The following CEP350 variants were observed in gnomAD, a reference collection of about 807,000 sequenced individuals.
The protein encoded by CEP350 is centrosomal protein 350.
In CEP350, 126 loss-of-function variants were observed where a neutral mutation model predicts 331.8. The observed-to-expected ratio is 0.38, with a 90% CI of 0.33 to 0.44. The LOEUF (loss-of-function observed/expected upper bound fraction) is 0.44. CEP350 is among the 20% of genes least tolerant of loss of function. The pLI is 1.00. For synonymous variants in CEP350, 1,200 were observed against 1,259.5 expected (o/e 0.95, Z 1.00); for missense variants, 3,406 against 3,634.6 (o/e 0.94, Z 1.62).
At chr1:180,066,360 A>G (rs1409523735) in intron 27 of CEP350, among the ~76,000 whole-genome samples, 2 of 152,198 alleles carry the variant, frequency 1.3e-5, no homozygotes, top group African/African-American at 4.8e-5. Context: ...TTAAATTCGC[A>G]ATTTGAACTA....
chr1:180,108,623 C>T (rs544650992), intron 37 of CEP350, among the ~76,000 whole-genome samples: 30 of 152,220 alleles, frequency 2.0e-4, no homozygotes, highest in Non-Finnish European at 3.1e-4. Flanking sequence ...GACCATCCCT[C>T]AGCACAAGTT....
chr1:180,062,277 A>T lies in CEP350; in HGVS notation c.5320A>T (p.Ile1774Phe). 1 of 1,611,032 alleles carries T rather than the reference A, an allele frequency of 6.2e-7. No individual in the cohort carries two copies. The change falls in exon 26 of 38, where the codon ATT becomes TTT. Residue 1774 changes from isoleucine to phenylalanine, a missense_variant. Ile to Phe is a conservative substitution (Grantham distance 21, BLOSUM62 0). Coordinates refer to ENST00000367607, the MANE Select transcript of CEP350 (RefSeq NM_014810.5). ...GGCAGCTCGGAAGGAAAGACAGCTG[A>T]TTCTTAAACAGCAGGAGGAGATAGA... is the stretch of plus-strand genomic sequence containing the variant. ...NKAARKERQL[I>F]LKQQEEIEKI...
At chr1:180,039,090 G>T (rs1656568949) in intron 17 of CEP350, among the ~76,000 whole-genome samples, 1 of 142,288 alleles carries the variant, frequency 7.0e-6, no homozygotes, top group South Asian at 2.3e-4. Context: ...CGTGGCGTAT[G>T]CCTGTAGTCC....
In CEP350 at chr1:179,984,432, GCT is replaced by G. The variant is rs552451029; in HGVS notation, c.-13-1735_-13-1734del. On this transcript the variant is annotated intron_variant, in intron 1 of 37. Transcript: ENST00000367607. ...TGGAGGATCTACTTGCAAGGGGATA[GCT>G]CACCCACATAGCTATAGGCAGGCGG... 4.5e-4 allele frequency among the ~76,000 whole-genome samples: 69 copies of G among 152,314 alleles called. No individual in the cohort carries two copies. The South Asian group carries it at 9.7e-3, about 21-fold the overall frequency.
chr1:180,015,127 G>T (rs1402992262), intron 10 of CEP350, among the ~76,000 whole-genome samples: 1 of 152,008 alleles, frequency 6.6e-6, no homozygotes, highest in African/African-American at 2.4e-5. Context: ...AAGAGTTGGT[G>T]TTGCTGTCTC....
intron 31 of CEP350, among the ~76,000 whole-genome samples, chr1:180,084,466 G>A (rs951953178): frequency 3.9e-5 from 6 of 152,102 alleles, no homozygotes; most frequent in South Asian, 2.1e-4. Flanking sequence ...CTGGGTTCAC[G>A]CCATTCTCCT....
intron 37 of CEP350, among the ~76,000 whole-genome samples, chr1:180,103,363 G>A (rs1660936874): frequency 6.6e-6 from 1 of 151,922 alleles, no homozygotes; most frequent in Non-Finnish European, 1.5e-5. Flanking sequence ...TCTGCAGCTT[G>A]ATTTTACAGG....
Position 180,048,679 on chromosome 1 carries a change from G to C in CEP350, c.4766G>C (p.Ser1589Thr). The change falls in exon 22 of 38, where the codon AGT becomes ACT. Residue 1589 changes from serine (S) to threonine (T), a missense_variant. By Grantham distance (58) the Ser-to-Thr change is moderately conservative. Around this residue, in one of 5 missense-constraint regions of CEP350, gnomAD observed 1,857 missense variants for 1,909.2 expected, o/e 0.97. Transcript: ENST00000367607. ...TAADDSLRSDSVPSLPDEKDS... is the reference protein window; with the variant it reads ...TAADDSLRSDTVPSLPDEKDS... The stretch of plus-strand genomic sequence containing the variant: ...GCAGATGATTCTCTACGAAGTGATA[G>C]TGTTCCATCTCTTCCTGATGAAAAA... 1 of 1,611,996 alleles carries C rather than the reference G, an allele frequency of 6.2e-7. No homozygotes were observed. Among genetic ancestry groups the C allele is most frequent in the South Asian group, 1.1e-5 (1 of 90,574 alleles).
chr1:179,961,376 AGGTGTAGGTTGCAGT>A (rs1254198532), intron 1 of CEP350, among the ~76,000 whole-genome samples: 2 of 152,166 alleles, frequency 1.3e-5, no homozygotes, highest in Non-Finnish European at 2.9e-5. Context: ...TGAACCTGGG[AGGTGTAGGTTGCAGT>A]GAGCCGAGAT....
At chr1:180,048,424 C>A in intron 21 of CEP350, 112 bp from the exon 22 acceptor site, 1 of 664,648 alleles carries the variant, frequency 1.5e-6, no homozygotes, top group South Asian at 2.0e-5. Context: ...CATCTTTCTT[C>A]ATTTTTATCT....
intron 27 of CEP350, among the ~76,000 whole-genome samples, chr1:180,066,681 T>C (rs1281657164): frequency 6.6e-6 from 1 of 152,208 alleles, no homozygotes; most frequent in Non-Finnish European, 1.5e-5. Context: ...TGAATGAATG[T>C]TCCTTTTGGA....
At chr1:180,074,766 T>C (rs1659118328) in intron 27 of CEP350, among the ~76,000 whole-genome samples, 1 of 152,216 alleles carries the variant, frequency 6.6e-6, no homozygotes, top group Admixed American at 6.5e-5. Flanking sequence ...TTCTGAAGGT[T>C]TTTTTCCTGA....
rs116248903 is a variant in CEP350 at position 180,034,933 on chromosome 1, G to A, written c.3946+851G>A. 6.4e-3 allele frequency among the ~76,000 whole-genome samples: 978 copies of A among 152,288 alleles called. 4 individuals are homozygous for A. The highest frequency in any genetic ancestry group is 8.1e-3 in the South Asian group (39 of 4,822). Reference sequence around the variant, plus strand: ...GCTACAGATGATTAAGCTTAGTGACGAAGGGATGTCAAAAGCCAAGATATG... The same window carrying A: ...GCTACAGATGATTAAGCTTAGTGACAAAGGGATGTCAAAAGCCAAGATATG... On this transcript the variant is annotated intron_variant, in intron 16 of 37. Coordinates refer to ENST00000367607, the MANE Select transcript of CEP350 (RefSeq NM_014810.5).
Position 180,096,089 on chromosome 1 carries a change from C to T in CEP350, c.8971C>T (p.Pro2991Ser). 1 of 1,556,052 alleles carries T rather than the reference C, an allele frequency of 6.4e-7. No homozygotes were observed. The highest frequency in any genetic ancestry group is 1.4e-5 in the African/African-American group (1 of 73,540). ...TTTTGAGGAAATATTTGCTGAGGAT[C>T]CCAACTTAAATCAACCTGTCTGGAT... ...EIFEEIFAED[P>S]NLNQPVWMKP... The change falls in exon 36 of 38, where the codon CCC becomes TCC. Residue 2991 changes from proline (P) to serine (S), a missense_variant. Physicochemically the swap from Pro to Ser is moderately conservative, Grantham distance 74. Coordinates refer to ENST00000367607, the MANE Select transcript of CEP350 (RefSeq NM_014810.5).
At chr1:179,987,860 G>A (rs759376317) in intron 3 of CEP350, among the ~76,000 whole-genome samples, 10 of 152,004 alleles carry the variant, frequency 6.6e-5, no homozygotes, top group East Asian at 1.9e-4. Flanking sequence ...CAGGGAGGTT[G>A]AGGCTTCGAG....
intron 13 of CEP350, 131 bp from the exon 14 acceptor site, chr1:180,024,288 T>C (rs973221211): frequency 1.4e-6 from 1 of 727,226 alleles, no homozygotes; most frequent in East Asian, 3.0e-5. Flanking sequence ...TAAAAAAAAA[T>C]AATAAAGTGT....
chr1:180,078,995 G>A (rs1236055320), intron 29 of CEP350, among the ~76,000 whole-genome samples: 1 of 152,046 alleles, frequency 6.6e-6, no homozygotes, highest in Non-Finnish European at 1.5e-5. Context: ...AAAACAGTAA[G>A]ATCTTAAACC....
chr1:179,989,638 A>C (rs1464338287), intron 3 of CEP350, among the ~76,000 whole-genome samples: 1 of 151,940 alleles, frequency 6.6e-6, no homozygotes, highest in Non-Finnish European at 1.5e-5. Context: ...TTAGGAGAAA[A>C]TGCTTTTCAG....
intron 18 of CEP350, 30 bp from the exon 19 acceptor site, chr1:180,041,632 A>C: frequency 6.3e-7 from 1 of 1,588,480 alleles, no homozygotes; most frequent in Non-Finnish European, 8.6e-7. Context: ...TTAAAACATA[A>C]CTTCTTTTTT....
Sources: gnomAD v4.1 joint callset for allele counts (sites outside exome capture counted in the v4.1 genomes callset) on GRCh38, gnomAD v4.1.1 for gene constraint, gnomAD v4.1.1 regional missense constraint, MANE v1.5 for transcripts, NCBI Gene and HGNC (gene_info 2026-07-23, HGNC 2026-07-21) for gene names.